AMD1: variants seen among roughly 807,000 people sequenced by gnomAD.
The protein encoded by AMD1 is S-adenosylmethionine decarboxylase proenzyme.
In AMD1, 11 loss-of-function variants were observed where a neutral mutation model predicts 40.2. That is an observed-to-expected ratio of 0.27 (90% confidence interval 0.17 to 0.45). AMD1 has a LOEUF of 0.45. Among genes scored for constraint, AMD1 ranks in the 20% least tolerant of loss-of-function variants. The pLI, the probability that AMD1 is intolerant of heterozygous loss-of-function variation, is 1.00. For synonymous variants in AMD1, 121 were observed against 130.8 expected (o/e 0.93, Z 0.51); for missense variants, 257 against 410.2 (o/e 0.63, Z 3.23).
chr6:110,876,445 A>T (rs1424104559), intron 1 of AMD1, among the ~76,000 whole-genome samples: 2 of 152,224 alleles, frequency 1.3e-5, no homozygotes, highest in Admixed American at 6.5e-5. Context: ...TAGGAGTGTT[A>T]GCTGTTCTTG....
chr6:110,847,367 T>C, the AMD1 span, among the ~76,000 whole-genome samples: 2 of 151,674 alleles, frequency 1.3e-5, no homozygotes, highest in East Asian at 1.9e-4. Flanking sequence ...CTACTAAAAA[T>C]AGAAAAAATT....
At position 110,875,135 on chromosome 6, in the gene AMD1, C is replaced by T. The variant is rs1785025427; in HGVS notation, c.30C>T (p.Thr10=). Residue 10 remains threonine (T), a synonymous_variant, in exon 1 of 9, where the codon ACC becomes ACT. Coordinates refer to ENST00000368885, the MANE Select transcript of AMD1 (RefSeq NM_001634.6). ...AAGCTGCACATTTTTTCGAAGGGAC[C>T]GAGAAGCTGCTGGAGGTTTGGTTCT... MEAAHFFEG[T]EKLLEVWFSR... 1.2e-6 allele frequency: 2 copies of T among 1,613,532 alleles called. No homozygotes were observed. The highest frequency in any genetic ancestry group is 1.7e-6 in the Non-Finnish European group (2 of 1,179,792).
intron 1 of AMD1, among the ~76,000 whole-genome samples, chr6:110,881,152 ATC>A (rs1275621984): frequency 2.0e-5 from 3 of 152,082 alleles, no homozygotes; most frequent in Non-Finnish European, 4.4e-5. Context: ...ATTTATCATG[ATC>A]TCTGATTATA....
Position 110,893,637 on chromosome 6 carries a change from A to G in AMD1, c.*21A>G, listed in dbSNP as rs746387074. 1.2e-6 allele frequency: 2 copies of G among 1,608,184 alleles called. No homozygotes were observed. The highest frequency in any genetic ancestry group is 1.1e-5 in the South Asian group (1 of 90,984). On this transcript the variant is annotated 3_prime_UTR_variant, in exon 9 of 9. Transcript: ENST00000368885. ...GTTGATTAAGAAAAATGAAGAAAAA[A>G]CGCAAAAAGAGAACACATGTAGAAG...
chr6:110,887,192 A>G (rs1388293127), intron 1 of AMD1, among the ~76,000 whole-genome samples: 1 of 152,118 alleles, frequency 6.6e-6, no homozygotes, highest in Non-Finnish European at 1.5e-5. Flanking sequence ...AAAGTATCCC[A>G]TTGAATTTCT....
Position 110,895,444 on chromosome 6 carries a change from GTTTTGT to G in AMD1, c.*1838_*1843del, listed in dbSNP as rs1454847524. The G allele has an allele frequency of 7.2e-6, 1 of 138,836 alleles. No homozygotes were observed. Among genetic ancestry groups the G allele is most frequent in the African/African-American group, 2.8e-5 (1 of 35,272 alleles). 8.6% of individuals were successfully genotyped at this position (138,836 alleles called of 1,614,324 possible). ...ATTTGTTGACTTGAGGTCTGGTTTG[GTTTTGT>G]TTTTGTTTTGTTTTGTTTTGTTTTG... On this transcript the variant is annotated 3_prime_UTR_variant, in exon 9 of 9. Coordinates refer to ENST00000368885, the MANE Select transcript of AMD1 (RefSeq NM_001634.6).
At chr6:110,877,499 A>G (rs1288146989) in intron 1 of AMD1, among the ~76,000 whole-genome samples, 1 of 152,268 alleles carries the variant, frequency 6.6e-6, no homozygotes, top group Non-Finnish European at 1.5e-5. Flanking sequence ...GGGAAGGATA[A>G]TCGGTCATCT....
intron 1 of AMD1, among the ~76,000 whole-genome samples, chr6:110,883,935 CT>C (rs991684660): frequency 1.2e-4 from 18 of 152,118 alleles, no homozygotes; most frequent in African/African-American, 4.1e-4. Context: ...AGTCCTTCCC[CT>C]ATCCCCTATG....
the AMD1 span, among the ~76,000 whole-genome samples, chr6:110,842,022 C>G: frequency 6.6e-6 from 1 of 151,990 alleles, no homozygotes; most frequent in Non-Finnish European, 1.5e-5. Context: ...AGGCTGGTCT[C>G]GAAATTCTAA....
At chr6:110,877,542 T>C (rs1785183425) in intron 1 of AMD1, among the ~76,000 whole-genome samples, 1 of 152,272 alleles carries the variant, frequency 6.6e-6, no homozygotes, top group African/African-American at 2.4e-5. Context: ...TTTACTCAAA[T>C]GACGTGATTA....
At chr6:110,858,656 G>T in the AMD1 span, 2 of 1,179,116 alleles carry the variant, frequency 1.7e-6, no homozygotes, top group African/African-American at 1.5e-5. Flanking sequence ...GCAGAGCGGG[G>T]TGGACATCGG....
chr6:110,825,859 G>T, the AMD1 span, among the ~76,000 whole-genome samples: 2 of 152,096 alleles, frequency 1.3e-5, no homozygotes, highest in Admixed American at 1.3e-4. Context: ...AGGACTGGGA[G>T]GCAGTGGGAT....
At chr6:110,865,945 T>C in the AMD1 span, among the ~76,000 whole-genome samples, 1 of 147,124 alleles carries the variant, frequency 6.8e-6, no homozygotes, top group Admixed American at 6.8e-5. Context: ...GAATTTTCAG[T>C]AGAGATGAGG....
At chr6:110,854,783 T>A in the AMD1 span, among the ~76,000 whole-genome samples, 2 of 151,950 alleles carry the variant, frequency 1.3e-5, no homozygotes, top group African/African-American at 2.4e-5. Flanking sequence ...TGGAAAAAAA[T>A]TCGTTAATTG....
At chr6:110,830,955 T>C in the AMD1 span, among the ~76,000 whole-genome samples, 2 of 152,152 alleles carry the variant, frequency 1.3e-5, no homozygotes, top group South Asian at 2.1e-4. Flanking sequence ...GGCATTTCAC[T>C]ATGTTGCCCA....
chr6:110,875,550 T>G, intron 1 of AMD1: 1 of 206,822 alleles, frequency 4.8e-6, no homozygotes, highest in Non-Finnish European at 9.6e-6. Flanking sequence ...CTCCCGACAT[T>G]TCCCTCCGTA....
chr6:110,893,693 G>C lies in AMD1; in HGVS notation c.*77G>C, dbSNP rs553267344. The C allele has an allele frequency of 1.2e-5, 18 of 1,510,606 alleles. No homozygotes were observed. In the Admixed American group the frequency reaches 2.6e-4, roughly 22 times the overall value. 93.6% of individuals were successfully genotyped at this position (1,510,606 alleles called of 1,614,324 possible). A position where few individuals can be genotyped will look rare whatever the true frequency, so the allele number is the denominator to read the frequency against. ...GGATGCTTTCTAGATGTCGATGCTG[G>C]GGGCAGTGCTTTCCATAACCACCAC... On this transcript the variant is annotated 3_prime_UTR_variant, in exon 9 of 9. Transcript: ENST00000368885.
At chr6:110,859,292 T>C in the AMD1 span, 1,128 of 333,402 alleles carry the variant, frequency 3.4e-3, 7 homozygotes, top group Non-Finnish European at 5.3e-3. Flanking sequence ...CAGGGAGGTC[T>C]TTCTTCCCCC....
At chr6:110,818,009 T>C in the AMD1 span, among the ~76,000 whole-genome samples, 1 of 152,170 alleles carries the variant, frequency 6.6e-6, no homozygotes, top group Non-Finnish European at 1.5e-5. Flanking sequence ...TTCTGAGAAA[T>C]GCAACTAGTT....
Sources: allele counts gnomAD v4.1 joint callset (sites outside exome capture counted in the v4.1 genomes callset), GRCh38; gene constraint gnomAD v4.1.1; transcripts MANE v1.5; gene names NCBI Gene and HGNC (gene_info 2026-07-23, HGNC 2026-07-21).